BNC1: variants seen among roughly 807,000 people sequenced by gnomAD.
The protein encoded by BNC1 is basonuclin zinc finger protein 1.
Under a neutral mutation model 66.5 loss-of-function variants are expected in BNC1, and 8 were observed. The ratio of observed to expected loss-of-function variants is 0.12; its 90% CI spans 0.07 to 0.22. BNC1 has a LOEUF of 0.22. BNC1 is among the 10% of genes least tolerant of loss of function. The pLI, the probability that BNC1 is intolerant of heterozygous loss-of-function variation, is 1.00. For synonymous variants in BNC1, 454 were observed against 452.6 expected (o/e 1.00, Z -0.04); for missense variants, 1,069 against 1,241.3 (o/e 0.86, Z 2.09).
intron 1 of BNC1, among the ~76,000 whole-genome samples, chr15:83,280,429 C>T (rs2038366223): frequency 6.6e-6 from 1 of 152,138 alleles, no homozygotes; most frequent in East Asian, 1.9e-4. Context: ...GTTACATAAG[C>T]AATGCAACTT....
In BNC1 at chr15:83,264,356, C is replaced by A. The variant is rs759327926; in HGVS notation, c.895G>T (p.Val299Phe). The A allele has an allele frequency of 1.9e-6, 3 of 1,614,114 alleles. No individual in the cohort carries two copies. The highest frequency in any genetic ancestry group is 2.5e-6 in the Non-Finnish European group (3 of 1,180,024). Residue 299 changes from valine to phenylalanine, a missense_variant, in exon 4 of 5, where the codon GTT becomes TTT. By Grantham distance (50) the Val-to-Phe change is conservative. Coordinates refer to ENST00000345382, the MANE Select transcript of BNC1 (RefSeq NM_001717.4). ...FLTSSSTPFQ[V>F]EKDQCLNCPD... Reference sequence around the variant, plus strand: ...CAGTTTAAACACTGATCTTTTTCAACCTGAAATGGTGTGGAACTGGAAGTT... The same window carrying A: ...CAGTTTAAACACTGATCTTTTTCAAACTGAAATGGTGTGGAACTGGAAGTT...
chr15:83,268,677 A>C (rs1253307099), intron 1 of BNC1, among the ~76,000 whole-genome samples: 4 of 152,164 alleles, frequency 2.6e-5, no homozygotes, highest in African/African-American at 9.7e-5. Flanking sequence ...ATTTCCCCCC[A>C]CCCACAGATA....
At position 83,268,216 on chromosome 15, in the gene BNC1, A is replaced by G; in HGVS notation, c.116T>C (p.Leu39Pro). 1 of 1,614,122 alleles carries G rather than the reference A, an allele frequency of 6.2e-7. No homozygotes were observed. The change falls in exon 2 of 5, where the codon CTG becomes CCG. Residue 39 changes from leucine to proline, a missense_variant. Around this residue, in one of 7 missense-constraint regions of BNC1, gnomAD observed 78 missense variants for 80.9 expected, o/e 0.96. Coordinates refer to ENST00000345382, the MANE Select transcript of BNC1 (RefSeq NM_001717.4). ...RRMAEAISCT[L>P]NCSCQSFKPG... Reference sequence around the variant, plus strand: ...TTTGAAACTTTGGCAACTACAGTTCAGAGTACAGCTGATAGCCTGAAAAAG... The same window carrying G: ...TTTGAAACTTTGGCAACTACAGTTCGGAGTACAGCTGATAGCCTGAAAAAG...
At chr15:83,279,954 C>T (rs538440554) in intron 1 of BNC1, among the ~76,000 whole-genome samples, 217 of 152,254 alleles carry the variant, frequency 1.4e-3, no homozygotes, top group Middle Eastern at 3.4e-3. Context: ...GCTGAGTCTA[C>T]CTGTGAGTTT....
intron 1 of BNC1, among the ~76,000 whole-genome samples, chr15:83,275,506 A>AAAC: frequency 6.6e-6 from 1 of 152,038 alleles, no homozygotes; most frequent in Non-Finnish European, 1.5e-5. Flanking sequence ...AAAAAAAAAA[A>AAAC]AAACTAAGAA....
chr15:83,276,866 G>T (rs1209694589), intron 1 of BNC1, among the ~76,000 whole-genome samples: 1 of 152,142 alleles, frequency 6.6e-6, no homozygotes, highest in African/African-American at 2.4e-5. Flanking sequence ...CTATGGAGAG[G>T]GCCATGTAAA....
intron 1 of BNC1, among the ~76,000 whole-genome samples, chr15:83,280,476 T>C (rs1457036192): frequency 2.0e-5 from 3 of 152,220 alleles, no homozygotes; most frequent in Non-Finnish European, 4.4e-5. Context: ...GACGAAATTG[T>C]GAACATTTCT....
chr15:83,258,113 G>T lies in BNC1; in HGVS notation c.2314C>A (p.Leu772Ile), dbSNP rs145537684. 7.6e-4 allele frequency: 1,211 copies of T among 1,600,650 alleles called. 12 individuals are homozygous for T. In the African/African-American group the frequency reaches 0.014, roughly 18 times the overall value. ...CTCAATGCTTTTTGGTGGAGGTTTA[G>T]GTTTGAGCTGTGTCTACAAGAGTGA... Reference protein sequence around the residue: ...RRSRDRHSSNLNLHQKALSQE... With the variant: ...RRSRDRHSSNINLHQKALSQE... Residue 772 changes from leucine (L) to isoleucine (I), a missense_variant, in exon 5 of 5, where the codon CTA becomes ATA. By Grantham distance (5) the Leu-to-Ile change is conservative. This residue lies in a region of BNC1 where 657 missense variants were observed against 715.8 expected (regional missense o/e 0.92). Coordinates refer to ENST00000345382, the MANE Select transcript of BNC1 (RefSeq NM_001717.4).
Position 83,263,823 on chromosome 15 carries a change from A to G in BNC1, c.1428T>C (p.Gly476=). The G allele has an allele frequency of 6.2e-7, 1 of 1,614,130 alleles. No individual in the cohort carries two copies. Among genetic ancestry groups the G allele is most frequent in the Non-Finnish European group, 8.5e-7 (1 of 1,180,034 alleles). The change falls in exon 4 of 5, where the codon GGT becomes GGC. Residue 476 remains glycine, a synonymous_variant. Coordinates refer to ENST00000345382, the MANE Select transcript of BNC1 (RefSeq NM_001717.4). ...QPAFPNIGQN[G]VLFPNLKTVQ... is the part of the protein sequence containing the mutation. Reference sequence around the variant, plus strand: ...CTGTCTTTAGGTTGGGAAAAAGCACACCATTTTGCCCAATGTTTGGGAAGG... The same window carrying G: ...CTGTCTTTAGGTTGGGAAAAAGCACGCCATTTTGCCCAATGTTTGGGAAGG...
At chr15:83,275,699 T>C (rs926020025) in intron 1 of BNC1, among the ~76,000 whole-genome samples, 6 of 151,988 alleles carry the variant, frequency 3.9e-5, no homozygotes, top group African/African-American at 1.2e-4. Context: ...GGAGAAGGCA[T>C]AGCAAGTGCA....
At chr15:83,271,356 T>C (rs1374201010) in intron 1 of BNC1, among the ~76,000 whole-genome samples, 1 of 152,238 alleles carries the variant, frequency 6.6e-6, no homozygotes, top group South Asian at 2.1e-4. Flanking sequence ...TGAACACAGC[T>C]GCAGCTAGGC....
At chr15:83,282,086 G>C (rs371974295) in intron 1 of BNC1, among the ~76,000 whole-genome samples, 1 of 152,232 alleles carries the variant, frequency 6.6e-6, no homozygotes, top group Non-Finnish European at 1.5e-5. Context: ...TCTGAAGGAG[G>C]AGAATGTCCC....
intron 1 of BNC1, among the ~76,000 whole-genome samples, chr15:83,283,979 G>C (rs1338377220): frequency 6.6e-6 from 1 of 151,958 alleles, no homozygotes; most frequent in Non-Finnish European, 1.5e-5. Context: ...CCGCCCGCCC[G>C]TCTCCGCAGT....
Position 83,264,388 on chromosome 15 carries a change from C to T in BNC1, c.863G>A (p.Ser288Asn), listed in dbSNP as rs1458493750. The change falls in exon 4 of 5, where the codon AGC (serine) becomes AAC (asparagine). Residue 288 changes from serine (S) to asparagine (N), a missense_variant. Around this residue, in one of 7 missense-constraint regions of BNC1, gnomAD observed 181 missense variants for 181.5 expected, o/e 1.00. Coordinates refer to ENST00000345382, the MANE Select transcript of BNC1 (RefSeq NM_001717.4). ...TGGTGTGGAACTGGAAGTTAAGAAGCTGCTGTCAGGGAAGGGCCCATGGAC... is the reference window on the plus strand; with the variant it reads ...TGGTGTGGAACTGGAAGTTAAGAAGTTGCTGTCAGGGAAGGGCCCATGGAC... ...QEVHGPFPDS[S>N]FLTSSSTPFQ... 3 of 1,614,108 alleles carry T rather than the reference C, an allele frequency of 1.9e-6. No homozygotes were observed. Among genetic ancestry groups the T allele is most frequent in the East Asian group, 2.2e-5 (1 of 44,872 alleles).
At position 83,263,716 on chromosome 15, in the gene BNC1, G is replaced by A. The variant is rs144452562; in HGVS notation, c.1535C>T (p.Pro512Leu). ...ANTPGILPSL[P>L]LLSSSIPEQL... ...TTCTGGGATTGAAGAGGACAACAGC[G>A]GGAGGGAAGGGAGTATCCCAGGCGT... The change falls in exon 4 of 5, where the codon CCG (proline) becomes CTG (leucine). Residue 512 changes from proline (P) to leucine (L), a missense_variant. By Grantham distance (98) the Pro-to-Leu change is moderately conservative. Around this residue, in one of 7 missense-constraint regions of BNC1, gnomAD observed 657 missense variants for 715.8 expected, o/e 0.92. Coordinates refer to ENST00000345382, the MANE Select transcript of BNC1 (RefSeq NM_001717.4). The A allele has an allele frequency of 2.0e-5, 33 of 1,614,116 alleles. No individual in the cohort carries two copies. The highest frequency in any genetic ancestry group is 4.4e-5 in the South Asian group (4 of 91,092).
In BNC1 at chr15:83,263,181, CCT is replaced by C; in HGVS notation, c.2068_2069del (p.Arg690GlyfsTer8). ...AGGLFSALSN[R>X]GMAFPCLEDS... ...CTTCAAGACAAGGAAAAGCCATTCC[CCT>C]GTTGGACAAAGCACTGAAGAGTCCC... On this transcript the variant is annotated frameshift_variant, in exon 4 of 5. Coordinates refer to ENST00000345382, the MANE Select transcript of BNC1 (RefSeq NM_001717.4). LOFTEE classifies it high-confidence loss of function. The C allele has an allele frequency of 1.2e-6, 2 of 1,614,208 alleles. No individual in the cohort carries two copies. The highest frequency in any genetic ancestry group is 1.1e-5 in the South Asian group (1 of 91,078).
In BNC1 at chr15:83,256,442, T is replaced by A. The variant is rs1328801119; in HGVS notation, c.*1000A>T. On this transcript the variant is annotated 3_prime_UTR_variant, in exon 5 of 5. Coordinates refer to ENST00000345382, the MANE Select transcript of BNC1 (RefSeq NM_001717.4). ...AATTCAAAAGTTCATCCTAATCTTA[T>A]ACGTTTATAAAACGGTGAAGACTGA... 1 of 152,648 alleles carries A rather than the reference T, an allele frequency of 6.6e-6. No individual in the cohort carries two copies. Among genetic ancestry groups the A allele is most frequent in the Non-Finnish European group, 1.5e-5 (1 of 68,032 alleles). The allele number at this position is 152,648 out of a possible 1,614,324, so 9.5% of individuals were successfully genotyped here. A position where few individuals can be genotyped will look rare whatever the true frequency, so the allele number is the denominator to read the frequency against.
rs969280632 is a variant in BNC1 at position 83,271,191 on chromosome 15, G to A, written c.100-2959C>T. Among the ~76,000 whole-genome samples, 5 of 152,224 alleles carry A rather than the reference G, an allele frequency of 3.3e-5. No homozygotes were observed. In the East Asian group the frequency reaches 5.8e-4, roughly 18 times the overall value. The stretch of plus-strand genomic sequence containing the variant: ...CTCAGGAGGCTGAGACAGGAGAATC[G>A]CTTGAACCTGGGAGGTAGGGGTTGC... On this transcript the variant is annotated intron_variant, in intron 1 of 4. Transcript: ENST00000345382.
chr15:83,273,505 T>C (rs541653557), intron 1 of BNC1, among the ~76,000 whole-genome samples: 2 of 152,346 alleles, frequency 1.3e-5, no homozygotes, highest in South Asian at 4.1e-4. Flanking sequence ...GACACAATCA[T>C]TGCTTTTTAA....
Sources: allele counts gnomAD v4.1 joint callset (sites outside exome capture counted in the v4.1 genomes callset), GRCh38; gene constraint gnomAD v4.1.1; regional missense constraint gnomAD v4.1.1; transcripts MANE v1.5; gene names NCBI Gene and HGNC (gene_info 2026-07-23, HGNC 2026-07-21).